The following TADA2A variants were observed in gnomAD, a reference collection of about 807,000 sequenced individuals.
The protein encoded by TADA2A is transcriptional adapter 2-alpha.
TADA2A carries 38 observed loss-of-function variants against 67.4 expected under a neutral mutation model. That is an observed-to-expected ratio of 0.56 (90% confidence interval 0.44 to 0.74). The LOEUF (loss-of-function observed/expected upper bound fraction) is 0.74, where lower values mean the gene tolerates loss of function less well. TADA2A is among the 30% of genes least tolerant of loss of function. The pLI is 0.00. For missense variants in TADA2A, 454 were observed against 547.0 expected (o/e 0.83, Z 1.70); for synonymous variants, 192 against 181.6 (o/e 1.06, Z -0.46).
At position 37,412,722 on chromosome 17, in the gene TADA2A, A is replaced by G. The variant is rs567002108; in HGVS notation, c.25+1332A>G. Among the ~76,000 whole-genome samples, 545 of 151,750 alleles carry G rather than the reference A, an allele frequency of 3.6e-3. 1 individual carries two copies. The highest frequency in any genetic ancestry group is 6.1e-3 in the Non-Finnish European group (411 of 67,898). ...CGCTTGAACCTGGGAGGCAGAGGCT[A>G]CAGTAAACCAAGATCATGCCACTGC... On this transcript the variant is annotated intron_variant, in intron 2 of 15. Coordinates refer to ENST00000615182, the MANE Select transcript of TADA2A (RefSeq NM_001166105.3).
Position 37,406,931 on chromosome 17 carries a change from A to T in TADA2A, c.-116A>T, listed in dbSNP as rs2051551846. 8.9e-6 allele frequency: 1 copy of T among 111,878 alleles called. No individual in the cohort carries two copies. The highest frequency in any genetic ancestry group is 9.4e-5 in the Admixed American group (1 of 10,640). 6.9% of individuals were successfully genotyped at this position (111,878 alleles called of 1,614,324 possible). A position where few individuals can be genotyped will look rare whatever the true frequency, so the allele number is the denominator to read the frequency against. ...CGCGACCGGCGGCTCTTTGGCGCGG[A>T]TTAGGGGGTCTCGGCGAGGTGAGGC... On this transcript the variant is annotated 5_prime_UTR_variant, in exon 1 of 16. Transcript: ENST00000615182.
chr17:37,460,192 G>A (rs888695130), intron 9 of TADA2A, among the ~76,000 whole-genome samples: 8 of 151,570 alleles, frequency 5.3e-5, no homozygotes, highest in Admixed American at 2.6e-4. Flanking sequence ...GGAATTACAG[G>A]TGTGAGCCAC....
intron 8 of TADA2A, among the ~76,000 whole-genome samples, chr17:37,457,673 T>G (rs987701730): frequency 2.0e-5 from 3 of 151,506 alleles, no homozygotes; most frequent in Non-Finnish European, 2.9e-5. Context: ...ATTTTTGTAT[T>G]TTTATAGAGA....
intron 9 of TADA2A, among the ~76,000 whole-genome samples, chr17:37,460,082 CTTTT>C (rs747329216): frequency 1.5e-5 from 2 of 136,808 alleles, no homozygotes. Flanking sequence ...GAAAAAAAAC[CTTTT>C]TTTTTTTTTT....
intron 2 of TADA2A, among the ~76,000 whole-genome samples, chr17:37,415,221 T>C (rs1172723811): frequency 6.6e-6 from 1 of 152,194 alleles, no homozygotes; most frequent in African/African-American, 2.4e-5. Context: ...TATATATATG[T>C]GTTCTTTTGT....
intron 8 of TADA2A, among the ~76,000 whole-genome samples, chr17:37,452,452 CATT>C (rs1391087497): frequency 6.6e-6 from 1 of 152,130 alleles, no homozygotes; most frequent in Admixed American, 6.5e-5. Flanking sequence ...TTTTAGCTAT[CATT>C]ATTGTATTTG....
intron 2 of TADA2A, among the ~76,000 whole-genome samples, chr17:37,423,008 G>A (rs182601286): frequency 6.6e-6 from 1 of 152,318 alleles, no homozygotes; most frequent in East Asian, 1.9e-4. Flanking sequence ...AGAGGCCAAG[G>A]CAGGAACATT....
chr17:37,435,462 G>T (rs967956249), intron 4 of TADA2A, among the ~76,000 whole-genome samples: 1 of 151,782 alleles, frequency 6.6e-6, no homozygotes, highest in African/African-American at 2.4e-5. Context: ...CTAATTTTTT[G>T]TATTTTTAGT....
chr17:37,456,986 C>A (rs1447357014), intron 8 of TADA2A, among the ~76,000 whole-genome samples: 1 of 152,090 alleles, frequency 6.6e-6, no homozygotes, highest in East Asian at 1.9e-4. Context: ...CCAAGCAGGG[C>A]TTTTACACTG....
At chr17:37,415,171 C>T (rs918223030) in intron 2 of TADA2A, among the ~76,000 whole-genome samples, 6 of 152,110 alleles carry the variant, frequency 3.9e-5, no homozygotes, top group Non-Finnish European at 7.4e-5. Flanking sequence ...CACAAGCCAC[C>T]GTGCCTGGCC....
intron 2 of TADA2A, among the ~76,000 whole-genome samples, chr17:37,419,134 G>C (rs1376601882): frequency 6.8e-6 from 1 of 146,014 alleles, no homozygotes; most frequent in Non-Finnish European, 1.5e-5. Context: ...TTTTATTTTA[G>C]TCTGGAATGT....
chr17:37,469,077 T>C (rs1169132513), intron 12 of TADA2A, among the ~76,000 whole-genome samples: 1 of 151,700 alleles, frequency 6.6e-6, no homozygotes, highest in African/African-American at 2.4e-5. Flanking sequence ...ATTTTTTTTT[T>C]TGTATTTTTA....
At chr17:37,426,731 G>A (rs1039184438) in intron 3 of TADA2A, 8 of 379,008 alleles carry the variant, frequency 2.1e-5, no homozygotes, top group Non-Finnish European at 3.7e-5. Context: ...TGTAATCTTA[G>A]CACTTTGGGA....
At chr17:37,443,235 A>G (rs2052974098) in intron 7 of TADA2A, among the ~76,000 whole-genome samples, 1 of 151,888 alleles carries the variant, frequency 6.6e-6, no homozygotes, top group South Asian at 2.1e-4. Context: ...CTTAGGTATG[A>G]AATTCCTATA....
chr17:37,463,943 A>G (rs536447184), intron 10 of TADA2A, among the ~76,000 whole-genome samples: 1 of 152,064 alleles, frequency 6.6e-6, no homozygotes, highest in Admixed American at 6.6e-5. Flanking sequence ...ACACAGCGAG[A>G]CTCCGTCTCA....
intron 8 of TADA2A, among the ~76,000 whole-genome samples, chr17:37,456,789 A>C (rs2053404881): frequency 6.6e-6 from 1 of 152,204 alleles, no homozygotes; most frequent in South Asian, 2.1e-4. Context: ...TTATAGGACT[A>C]AGGTGAGGGG....
chr17:37,475,566 G>A (rs541221364), intron 15 of TADA2A, among the ~76,000 whole-genome samples: 4 of 151,402 alleles, frequency 2.6e-5, no homozygotes, highest in Non-Finnish European at 5.9e-5. Flanking sequence ...TCTGCCTCCC[G>A]GGTTCAAACG....
intron 14 of TADA2A, among the ~76,000 whole-genome samples, chr17:37,473,313 C>A (rs1417879833): frequency 1.3e-5 from 2 of 151,896 alleles, no homozygotes; most frequent in African/African-American, 4.8e-5. Context: ...TAGCCTTTCT[C>A]ACCCCTTATA....
At chr17:37,423,266 G>C (rs1235492113) in intron 2 of TADA2A, among the ~76,000 whole-genome samples, 1 of 152,148 alleles carries the variant, frequency 6.6e-6, no homozygotes, top group Non-Finnish European at 1.5e-5. Flanking sequence ...ACAAACATAT[G>C]CTTGTAAATT....
Sources: allele counts gnomAD v4.1 joint callset (sites outside exome capture counted in the v4.1 genomes callset), GRCh38; gene constraint gnomAD v4.1.1; transcripts MANE v1.5; gene names NCBI Gene and HGNC (gene_info 2026-07-23, HGNC 2026-07-21).